Variants in BABAM2 observed in about 807,000 individuals in gnomAD.
BABAM2 encodes BRISC and BRCA1-A complex member 2.
A neutral mutation model predicts 54.7 loss-of-function variants in BABAM2; 31 were observed. The observed-to-expected ratio is 0.57, with a 90% CI of 0.43 to 0.77. BABAM2 has a LOEUF of 0.77. Among genes scored for constraint, BABAM2 ranks in the 30% least tolerant of loss-of-function variants. BABAM2 has a pLI of 0.00. For synonymous variants in BABAM2, 167 were observed against 162.9 expected, an observed-to-expected ratio of 1.03 and a Z score of -0.19; for missense variants, 364 against 455.8, an observed-to-expected ratio of 0.80 and a Z score of 1.83.
At chr2:27,984,256 T>C (rs1375128140) in intron 3 of BABAM2, among the ~76,000 whole-genome samples, 2 of 152,108 alleles carry the variant, frequency 1.3e-5, no homozygotes, top group Non-Finnish European at 2.9e-5. Context: ...TGATTTTTTT[T>C]CCTAAAGTAA....
At chr2:28,218,272 C>G (rs751376914) in intron 7 of BABAM2, among the ~76,000 whole-genome samples, 2 of 152,196 alleles carry the variant, frequency 1.3e-5, no homozygotes, top group Admixed American at 6.5e-5. Flanking sequence ...GGCAGTGTAT[C>G]ATTGACACAG....
intron 11 of BABAM2, among the ~76,000 whole-genome samples, chr2:28,326,092 G>T (rs1048811708): frequency 6.6e-5 from 10 of 152,210 alleles, no homozygotes; most frequent in African/African-American, 2.4e-4. Flanking sequence ...GTTCAGCTCT[G>T]CTGGGTCCCT....
intron 7 of BABAM2, among the ~76,000 whole-genome samples, chr2:28,185,394 G>A (rs1676170341): frequency 1.3e-5 from 2 of 152,148 alleles, no homozygotes; most frequent in Non-Finnish European, 2.9e-5. Flanking sequence ...TTTAAAATCT[G>A]TCGTGGTAAC....
At chr2:27,898,385 A>G (rs1238406185) in intron 2 of BABAM2, among the ~76,000 whole-genome samples, 1 of 152,180 alleles carries the variant, frequency 6.6e-6, no homozygotes, top group Non-Finnish European at 1.5e-5. Flanking sequence ...GCTTGGAGAA[A>G]AGAAGGCATT....
chr2:27,976,886 G>A (rs1332815462), intron 3 of BABAM2, among the ~76,000 whole-genome samples: 1 of 152,132 alleles, frequency 6.6e-6, no homozygotes, highest in Non-Finnish European at 1.5e-5. Flanking sequence ...GTCTAGGAGA[G>A]GGATATGGCA....
At chr2:28,232,157 A>G (rs1681473024) in intron 7 of BABAM2, among the ~76,000 whole-genome samples, 1 of 152,186 alleles carries the variant, frequency 6.6e-6, no homozygotes, top group Non-Finnish European at 1.5e-5. Flanking sequence ...AAAGTTGAGT[A>G]GAACCAAAGA....
chr2:28,055,680 A>G (rs1678348683), intron 6 of BABAM2, among the ~76,000 whole-genome samples: 1 of 152,224 alleles, frequency 6.6e-6, no homozygotes, highest in African/African-American at 2.4e-5. Context: ...CATTATGGAA[A>G]ACACAATGGA....
chr2:28,026,877 T>TATAG (rs1558667378), intron 5 of BABAM2, among the ~76,000 whole-genome samples: 2 of 50,844 alleles, frequency 3.9e-5, no homozygotes, highest in African/African-American at 8.8e-5. Context: ...TATATATTTA[T>TATAG]ATATATATAG....
At chr2:27,949,145 A>G (rs1177798628) in intron 3 of BABAM2, among the ~76,000 whole-genome samples, 1 of 152,230 alleles carries the variant, frequency 6.6e-6, no homozygotes, top group Non-Finnish European at 1.5e-5. Flanking sequence ...GGGAATAAGA[A>G]GGAAGGCGAG....
rs1669586933 is a variant in BABAM2, at chr2:27,950,024, C to T, written c.205+20116C>T. Among the ~76,000 whole-genome samples, 3 of 152,096 alleles carry T rather than the reference C, an allele frequency of 2.0e-5. No individual in the cohort carries two copies. In the South Asian group the frequency reaches 6.2e-4, roughly 32 times the overall value. On this transcript the variant is annotated intron_variant, in intron 3 of 11. Coordinates refer to ENST00000379624, the MANE Select transcript of BABAM2 (RefSeq NM_199191.3). ...AATAAGATTAACCAATGCAAGTGTT[C>T]GTAATGAATTTCCAGTTGGCCCTGA...
At chr2:28,168,416 T>C (rs1423740272) in intron 7 of BABAM2, among the ~76,000 whole-genome samples, 1 of 152,200 alleles carries the variant, frequency 6.6e-6, no homozygotes, top group African/African-American at 2.4e-5. Flanking sequence ...CTACTTCTTC[T>C]GGAGGTCTGT....
At chr2:28,126,569 G>A (rs2148762104) in intron 6 of BABAM2, among the ~76,000 whole-genome samples, 1 of 143,128 alleles carries the variant, frequency 7.0e-6, no homozygotes, top group South Asian at 2.4e-4. Flanking sequence ...TTGGTTCCAA[G>A]TCTTTGCTAT....
chr2:28,162,442 G>T (rs571995687), intron 7 of BABAM2, among the ~76,000 whole-genome samples: 1 of 152,280 alleles, frequency 6.6e-6, no homozygotes, highest in African/African-American at 2.4e-5. Flanking sequence ...CAGGCATGAG[G>T]ATAGTATCCA....
intron 6 of BABAM2, among the ~76,000 whole-genome samples, chr2:28,104,611 C>G (rs935995040): frequency 6.6e-6 from 1 of 152,146 alleles, no homozygotes; most frequent in Non-Finnish European, 1.5e-5. Flanking sequence ...CTAGTTCAAC[C>G]ATTGTGGAAG....
intron 11 of BABAM2, chr2:28,308,533 A>G (rs1688765677): frequency 3.9e-6 from 2 of 514,474 alleles, no homozygotes; most frequent in African/African-American, 3.9e-5. Context: ...GCCAAAGCCA[A>G]CACCCTGATC....
intron 6 of BABAM2, among the ~76,000 whole-genome samples, chr2:28,110,368 A>G (rs1162059776): frequency 6.6e-6 from 1 of 152,154 alleles, no homozygotes; most frequent in Non-Finnish European, 1.5e-5. Context: ...AGATGCCTGT[A>G]ATCCCAGCAC....
chr2:28,218,598 G>A (rs749868730), intron 7 of BABAM2, among the ~76,000 whole-genome samples: 16 of 152,050 alleles, frequency 1.1e-4, no homozygotes, highest in Non-Finnish European at 2.2e-4. Context: ...CATGATGTCA[G>A]TTTGTCCCGG....
intron 6 of BABAM2, among the ~76,000 whole-genome samples, chr2:28,061,382 G>A (rs1410493777): frequency 2.0e-5 from 3 of 151,814 alleles, no homozygotes; most frequent in Admixed American, 6.6e-5. Context: ...TCAGGAGATA[G>A]CGACCATCCT....
chr2:28,073,942 G>A (rs1018964597), intron 6 of BABAM2, among the ~76,000 whole-genome samples: 3 of 151,926 alleles, frequency 2.0e-5, no homozygotes, highest in African/African-American at 7.3e-5. Flanking sequence ...CCTGGGTTAA[G>A]CAATATCCAG....
Sources: allele counts gnomAD v4.1 joint callset (sites outside exome capture counted in the v4.1 genomes callset), GRCh38; gene constraint gnomAD v4.1.1; transcripts MANE v1.5; gene names NCBI Gene and HGNC (gene_info 2026-07-23, HGNC 2026-07-21).